Variants in DEFB131A observed in about 807,000 individuals in gnomAD.
DEFB131A encodes defensin beta 131A.
In DEFB131A, 5 loss-of-function variants were observed where a neutral mutation model predicts 2.4. That is an observed-to-expected ratio of 2.12 (90% confidence interval 1.11 to 4.47). The LOEUF is 4.47. Ranked by LOEUF, DEFB131A falls within the 30% of genes most tolerant of loss-of-function variation. The pLI, the probability that DEFB131A is intolerant of heterozygous loss-of-function variation, is 0.00. For synonymous variants in DEFB131A, 34 were observed against 25.7 expected, an observed-to-expected ratio of 1.32 and a Z score of -0.97; for missense variants, 120 against 79.9, an observed-to-expected ratio of 1.50 and a Z score of -1.91.
At chr4:9,446,768 GT>G (rs1717514537) in intron 1 of DEFB131A, among the ~76,000 whole-genome samples, 1 of 151,974 alleles carries the variant, frequency 6.6e-6, no homozygotes, top group Non-Finnish European at 1.5e-5. Flanking sequence ...TATTCCATAG[GT>G]TTTGGTATGT....
intron 1 of DEFB131A, among the ~76,000 whole-genome samples, chr4:9,448,012 G>A (rs1235886238): frequency 6.6e-6 from 1 of 151,778 alleles, no homozygotes; most frequent in Non-Finnish European, 1.5e-5. Flanking sequence ...GGAAAGAAAG[G>A]AACAGAAGAA....
intron 1 of DEFB131A, among the ~76,000 whole-genome samples, chr4:9,447,678 C>T (rs947496147): frequency 7.3e-5 from 11 of 150,878 alleles, no homozygotes; most frequent in Admixed American, 6.6e-4. Context: ...TGCATGAGGG[C>T]CATACCCTGG....
intron 1 of DEFB131A, 56 bp downstream of exon 1, chr4:9,444,647 C>T (rs1402821505): frequency 2.6e-6 from 4 of 1,544,450 alleles, no homozygotes; most frequent in Non-Finnish European, 2.6e-6. Flanking sequence ...AAAGAAAATG[C>T]AAGGTCTTTC....
chr4:9,446,770 T>C (rs1055517655), intron 1 of DEFB131A, among the ~76,000 whole-genome samples: 3 of 152,156 alleles, frequency 2.0e-5, no homozygotes, highest in African/African-American at 7.2e-5. Context: ...TTCCATAGGT[T>C]TTGGTATGTT....
rs140589698 is a variant in DEFB131A at position 9,444,454 on chromosome 4, T to C, written c.-80T>C. The C allele has an allele frequency of 2.8e-4, 424 of 1,516,924 alleles. No homozygotes were observed. In the African/African-American group the frequency reaches 5.1e-3, roughly 18 times the overall value. The allele number at this position is 1,516,924 out of a possible 1,614,324, so 94.0% of individuals were successfully genotyped here. A position where few individuals can be genotyped will look rare whatever the true frequency, so the allele number is the denominator to read the frequency against. ...TTCAATAATCACTCAACAACTCACC[T>C]CTTCAGAGAACTGAATGTACACAGA... is the stretch of plus-strand genomic sequence containing the variant. On this transcript the variant is annotated 5_prime_UTR_variant, in exon 1 of 2. Coordinates refer to ENST00000334879, the MANE Select transcript of DEFB131A (RefSeq NM_001040448.3).
Position 9,445,745 on chromosome 4 carries a change from G to A in DEFB131A, c.58+1154G>A, listed in dbSNP as rs575081211. On this transcript the variant is annotated intron_variant, in intron 1 of 1. Transcript: ENST00000334879. ...ATTGCCTTAAAGTGTTCTATTCAGT[G>A]GTTATCAGTGTATTCTTAAAATTGT... 2.6e-5 allele frequency among the ~76,000 whole-genome samples: 4 copies of A among 152,066 alleles called. No homozygotes were observed. The East Asian group carries it at 7.7e-4, about 29-fold the overall frequency.
intron 1 of DEFB131A, among the ~76,000 whole-genome samples, chr4:9,448,058 A>C (rs1383625591): frequency 4.7e-4 from 72 of 152,108 alleles, no homozygotes; most frequent in Admixed American, 4.7e-3. Flanking sequence ...TTTTCCCGAA[A>C]TTGAAAATAA....
intron 1 of DEFB131A, among the ~76,000 whole-genome samples, chr4:9,449,232 C>A (rs189084415): frequency 1.3e-5 from 2 of 148,536 alleles, no homozygotes; most frequent in African/African-American, 5.0e-5. Flanking sequence ...AATTGGAAGA[C>A]ATGATAATAT....
intron 1 of DEFB131A, among the ~76,000 whole-genome samples, chr4:9,445,296 T>C (rs1410906190): frequency 6.6e-6 from 1 of 152,064 alleles, no homozygotes; most frequent in Admixed American, 6.5e-5. Flanking sequence ...GGACCTAGCC[T>C]CTGTGTTCCT....
At chr4:9,448,238 G>T (rs1717555389) in intron 1 of DEFB131A, among the ~76,000 whole-genome samples, 2 of 150,488 alleles carry the variant, frequency 1.3e-5, no homozygotes, top group African/African-American at 4.9e-5. Context: ...CCAAGGATAA[G>T]AATTACATCA....
intron 1 of DEFB131A, among the ~76,000 whole-genome samples, chr4:9,446,394 A>T (rs1266211593): frequency 2.6e-5 from 4 of 152,118 alleles, no homozygotes; most frequent in African/African-American, 4.8e-5. Flanking sequence ...GGTTGTTTAT[A>T]ACAGACTAAT....
rs1560127659 is a variant in DEFB131A at position 9,444,558 on chromosome 4, G to A, written c.25G>A (p.Gly9Arg). 1.2e-6 allele frequency: 2 copies of A among 1,611,158 alleles called. No homozygotes were observed. Among genetic ancestry groups the A allele is most frequent in the African/African-American group, 1.3e-5 (1 of 74,880 alleles). ...CATGAGGGTCTTGTTTTTTGTCTTT[G>A]GAGTCCTTTCCTTGATGTTCACAGT... MRVLFFVF[G>R]VLSLMFTVPP... is the part of the protein sequence containing the mutation. The change falls in exon 1 of 2, where the codon GGA becomes AGA. Residue 9 changes from glycine (G) to arginine (R), a missense_variant. By Grantham distance (125) the Gly-to-Arg change is moderately radical. Transcript: ENST00000334879.
rs1411057171 is a variant in DEFB131A, at chr4:9,444,592, G to A, written c.58+1G>A. On this transcript the variant is annotated splice_donor_variant, in intron 1 of 1. Transcript: ENST00000334879. LOFTEE classifies it high-confidence loss of function. The stretch of plus-strand genomic sequence containing the variant: ...TCCTTGATGTTCACAGTTCCTCCAG[G>A]TAAGACAGAAACTTTTTTATTCCAA... 1.3e-6 allele frequency: 2 copies of A among 1,540,422 alleles called. No homozygotes were observed. Among genetic ancestry groups the A allele is most frequent in the East Asian group, 2.3e-5 (1 of 43,044 alleles).
intron 1 of DEFB131A, among the ~76,000 whole-genome samples, chr4:9,448,054 C>T (rs1438368768): frequency 4.0e-5 from 6 of 150,640 alleles, no homozygotes; most frequent in Admixed American, 2.0e-4. Flanking sequence ...GAGATTTTCC[C>T]GAAATTGAAA....
At chr4:9,447,053 G>A in intron 1 of DEFB131A, among the ~76,000 whole-genome samples, 1 of 152,110 alleles carries the variant, frequency 6.6e-6, no homozygotes, top group Non-Finnish European at 1.5e-5. Context: ...AGAAGAATGT[G>A]TACTCCACAG....
intron 1 of DEFB131A, among the ~76,000 whole-genome samples, chr4:9,446,202 G>A (rs368735455): frequency 7.9e-5 from 12 of 151,820 alleles, no homozygotes; most frequent in African/African-American, 2.2e-4. Flanking sequence ...AAATGTGCTC[G>A]GAGGTAATAT....
rs185551265 is a variant in DEFB131A at position 9,444,952 on chromosome 4, G to A, written c.58+361G>A. On this transcript the variant is annotated intron_variant, in intron 1 of 1. Coordinates refer to ENST00000334879, the MANE Select transcript of DEFB131A (RefSeq NM_001040448.3). Reference sequence around the variant, plus strand: ...CAAAAAATTAATCAGGTATAGTGGCGCGTGTCTGTGGTTCTGGCTACTCAG... The same window carrying A: ...CAAAAAATTAATCAGGTATAGTGGCACGTGTCTGTGGTTCTGGCTACTCAG... Among the ~76,000 whole-genome samples, 93 of 151,804 alleles carry A rather than the reference G, an allele frequency of 6.1e-4. 2 individuals are homozygous for A. Among genetic ancestry groups the A allele is most frequent in the Middle Eastern group, 3.4e-3 (1 of 294 alleles).
At chr4:9,450,033 A>T (rs1440007332) in intron 1 of DEFB131A, among the ~76,000 whole-genome samples, 1 of 152,180 alleles carries the variant, frequency 6.6e-6, no homozygotes, top group African/African-American at 2.4e-5. Flanking sequence ...ATTTAACTCC[A>T]GAAGTTAAAC....
intron 1 of DEFB131A, among the ~76,000 whole-genome samples, chr4:9,446,978 T>C (rs928093631): frequency 1.3e-5 from 2 of 152,182 alleles, no homozygotes; most frequent in Admixed American, 1.3e-4. Flanking sequence ...TTTTTCAAAA[T>C]TTGTTGAAAC....
Sources: allele counts gnomAD v4.1 joint callset (sites outside exome capture counted in the v4.1 genomes callset), GRCh38; gene constraint gnomAD v4.1.1; transcripts MANE v1.5; gene names NCBI Gene and HGNC (gene_info 2026-07-23, HGNC 2026-07-21).